HTR1E: variants seen among roughly 807,000 people sequenced by gnomAD.
HTR1E encodes the protein 5-HT-1E.
A neutral mutation model predicts 3.4 loss-of-function variants in HTR1E; 3 were observed. The ratio of observed to expected loss-of-function variants is 0.89; its 90% CI spans 0.41 to 2.31. HTR1E has a LOEUF of 2.31. HTR1E is among the 30% of genes most tolerant of loss of function. HTR1E has a pLI of 0.05. For synonymous variants in HTR1E, 170 were observed against 182.8 expected (o/e 0.93, Z 0.56); for missense variants, 392 against 467.0 (o/e 0.84, Z 1.48).
intron 1 of HTR1E, among the ~76,000 whole-genome samples, chr6:86,976,522 AG>A (rs1767641493): frequency 6.6e-6 from 1 of 152,226 alleles, no homozygotes; most frequent in South Asian, 2.1e-4. Flanking sequence ...ACATCTTTAA[AG>A]AATTGCTGTT....
At chr6:86,995,683 A>AG (rs1767930573) in intron 1 of HTR1E, among the ~76,000 whole-genome samples, 1 of 61,040 alleles carries the variant, frequency 1.6e-5, no homozygotes, top group African/African-American at 3.8e-5. Flanking sequence ...AAAAAAAAAA[A>AG]AAAAGAAAAA....
chr6:86,986,428 G>A (rs1767788731), intron 1 of HTR1E, among the ~76,000 whole-genome samples: 2 of 152,272 alleles, frequency 1.3e-5, no homozygotes, highest in East Asian at 3.9e-4. Flanking sequence ...ATTTCACGAA[G>A]ATGACAGTTT....
chr6:86,995,665 C>CAAAAAAAAAAAAAAAAAAAAAAAAAAA (rs60134206), intron 1 of HTR1E, among the ~76,000 whole-genome samples: 2 of 36,694 alleles, frequency 5.5e-5, no homozygotes, highest in Non-Finnish European at 1.1e-4. Context: ...GACTCCATCT[C>CAAAAAAAAAAAAAAAAAAAAAAAAAAA]AAAAAAAAAA....
At chr6:87,006,532 G>A (rs112888824) in intron 1 of HTR1E, among the ~76,000 whole-genome samples, 9 of 152,196 alleles carry the variant, frequency 5.9e-5, no homozygotes, top group African/African-American at 9.6e-5. Context: ...CTCAAAGATC[G>A]AGAAGCAGAA....
chr6:86,953,860 G>C (rs939660557), intron 1 of HTR1E, among the ~76,000 whole-genome samples: 6 of 152,128 alleles, frequency 3.9e-5, no homozygotes, highest in Non-Finnish European at 5.9e-5. Context: ...AGAAGCAAAG[G>C]GGAAACAGGC....
intron 1 of HTR1E, among the ~76,000 whole-genome samples, chr6:86,982,403 A>G (rs1767728086): frequency 6.6e-6 from 1 of 152,130 alleles, no homozygotes; most frequent in South Asian, 2.1e-4. Flanking sequence ...TTGGAAATAG[A>G]TTCTAAGATG....
At chr6:86,979,957 CCGGAAATAAATA>C (rs1437213492) in intron 1 of HTR1E, among the ~76,000 whole-genome samples, 1 of 152,008 alleles carries the variant, frequency 6.6e-6, no homozygotes, top group Non-Finnish European at 1.5e-5. Flanking sequence ...GAAAGGAGCC[CCGGAAATAAATA>C]CCCCATTCTC....
intron 1 of HTR1E, among the ~76,000 whole-genome samples, chr6:87,004,722 A>G (rs189326623): frequency 6.2e-4 from 94 of 152,300 alleles, no homozygotes; most frequent in Middle Eastern, 3.4e-3. Flanking sequence ...TATTTAACAT[A>G]GTGCTGGAAG....
intron 1 of HTR1E, among the ~76,000 whole-genome samples, chr6:86,987,240 T>C (rs1180904432): frequency 1.3e-5 from 2 of 152,096 alleles, no homozygotes; most frequent in Non-Finnish European, 2.9e-5. Context: ...AGATAAGGCT[T>C]AGTTGTCATT....
intron 1 of HTR1E, among the ~76,000 whole-genome samples, chr6:86,969,083 T>C (rs959976613): frequency 7.9e-5 from 12 of 152,174 alleles, no homozygotes; most frequent in African/African-American, 2.4e-4. Context: ...CTAAATTCCC[T>C]TGTAGGGGAA....
At chr6:86,994,281 T>G (rs887194602) in intron 1 of HTR1E, among the ~76,000 whole-genome samples, 4 of 152,070 alleles carry the variant, frequency 2.6e-5, no homozygotes, top group African/African-American at 9.7e-5. Flanking sequence ...TTCAAAGAGT[T>G]GAGCAAACCA....
chr6:87,009,170 A>G (rs559333072), intron 1 of HTR1E, among the ~76,000 whole-genome samples: 4 of 150,732 alleles, frequency 2.7e-5, no homozygotes, highest in African/African-American at 9.8e-5. Context: ...AAACAAGTGA[A>G]CAAAGGTCTC....
At chr6:86,953,179 C>CA (rs1301702354) in intron 1 of HTR1E, among the ~76,000 whole-genome samples, 2 of 152,228 alleles carry the variant, frequency 1.3e-5, no homozygotes, top group East Asian at 3.9e-4. Flanking sequence ...TACACAGATA[C>CA]AAAACCACAG....
At chr6:86,998,955 G>C (rs1767980490) in intron 1 of HTR1E, among the ~76,000 whole-genome samples, 1 of 151,572 alleles carries the variant, frequency 6.6e-6, no homozygotes, top group Admixed American at 6.6e-5. Flanking sequence ...TTTTTGTTTT[G>C]TTTTCACTTA....
rs1005765975 is a variant in HTR1E at position 87,015,411 on chromosome 6, G to T, written c.77G>T (p.Cys26Phe). Residue 26 changes from cysteine to phenylalanine, a missense_variant, in exon 2 of 2, where the codon TGC (cysteine) becomes TTC (phenylalanine). Physicochemically the swap from Cys to Phe is radical, Grantham distance 205. Transcript: ENST00000305344. The part of the protein sequence containing the change: ...PKTITEKMLI[C>F]MTLVVITTLT... Reference sequence around the variant, plus strand: ...ACCATCACTGAGAAGATGCTCATTTGCATGACTCTGGTGGTCATCACCACC... The same window carrying T: ...ACCATCACTGAGAAGATGCTCATTTTCATGACTCTGGTGGTCATCACCACC... 7 of 1,612,438 alleles carry T rather than the reference G, an allele frequency of 4.3e-6. No homozygotes were observed. In the African/African-American group the frequency reaches 8.0e-5, roughly 18 times the overall value.
intron 1 of HTR1E, among the ~76,000 whole-genome samples, chr6:86,966,989 C>T (rs942472): frequency 0.69 from 104,396 of 152,030 alleles, 35,969 homozygotes; most frequent in Admixed American, 0.75. Flanking sequence ...TAGAGAAACA[C>T]AGAGCTTCTG....
At chr6:87,007,972 C>G (rs934008273) in intron 1 of HTR1E, among the ~76,000 whole-genome samples, 1 of 152,002 alleles carries the variant, frequency 6.6e-6, no homozygotes, top group African/African-American at 2.4e-5. Context: ...CAAAAAGCAA[C>G]ATTAAAAAAT....
At chr6:86,987,880 G>A (rs1012252664) in intron 1 of HTR1E, among the ~76,000 whole-genome samples, 3 of 152,066 alleles carry the variant, frequency 2.0e-5, no homozygotes, top group Non-Finnish European at 4.4e-5. Flanking sequence ...ATTCATGAAG[G>A]AGGAGCCTTC....
chr6:87,010,386 C>T lies in HTR1E; in HGVS notation c.-185-4764C>T, dbSNP rs1360517397. On this transcript the variant is annotated intron_variant, in intron 1 of 1. Transcript: ENST00000305344. ...GGGGCTGACCCCCCCATCTCCCTCC[C>T]GGACGGGGTGGCTGGCCGGGCTGAG... is the stretch of plus-strand genomic sequence containing the variant. Among the ~76,000 whole-genome samples, 15 of 134,432 alleles carry T rather than the reference C, an allele frequency of 1.1e-4. 1 individual carries two copies. In the South Asian group the frequency reaches 2.6e-3, roughly 23 times the overall value. 88.2% of individuals were successfully genotyped at this position (134,432 alleles called of 152,430 possible).
Sources: gnomAD v4.1 joint callset for allele counts (sites outside exome capture counted in the v4.1 genomes callset) on GRCh38, gnomAD v4.1.1 for gene constraint, MANE v1.5 for transcripts, NCBI Gene and HGNC (gene_info 2026-07-23, HGNC 2026-07-21) for gene names.